Variants in PPFIBP2 observed in about 807,000 individuals in gnomAD.
PPFIBP2 encodes PPFIB scaffold protein 2, also known as liprin-beta-2.
Under a neutral mutation model 118.3 loss-of-function variants are expected in PPFIBP2, and 118 were observed. The ratio of observed to expected loss-of-function variants is 1.00; its 90% CI spans 0.86 to 1.16. The LOEUF (loss-of-function observed/expected upper bound fraction) is 1.16. Ranked by LOEUF, PPFIBP2 falls within the 50% of genes most tolerant of loss-of-function variation. PPFIBP2 has a pLI of 0.00. For synonymous variants in PPFIBP2, 414 were observed against 397.4 expected, an observed-to-expected ratio of 1.04 and a Z score of -0.50; for missense variants, 1,195 against 1,073.1, an observed-to-expected ratio of 1.11 and a Z score of -1.59.
chr11:7,646,683 T>C (rs997419456), intron 17 of PPFIBP2, among the ~76,000 whole-genome samples: 1 of 152,088 alleles, frequency 6.6e-6, no homozygotes, highest in African/African-American at 2.4e-5. Context: ...TGTAATTACA[T>C]CACTACACTC....
intron 5 of PPFIBP2, 44 bp from the exon 6 acceptor site, chr11:7,610,247 T>C (rs1185847025): frequency 1.9e-6 from 3 of 1,597,544 alleles, no homozygotes; most frequent in Non-Finnish European, 1.7e-6. Context: ...GCTGTTCTTA[T>C]TGCCATAGTG....
Position 7,648,853 on chromosome 11 carries a change from A to G in PPFIBP2, c.1851A>G (p.Lys617=), listed in dbSNP as rs12577629. Residue 617 remains lysine (K), a synonymous_variant, in exon 19 of 24, where the codon AAA becomes AAG. Coordinates refer to ENST00000299492, the MANE Select transcript of PPFIBP2 (RefSeq NM_003621.5). ...LHRKKLVLAV[K]AINTKQEEKS... is the part of the protein sequence containing the mutation. ...GGAAGAAGCTTGTTTTAGCAGTGAA[A>G]GCCATCAACACCAAACAGGAGGAGA... 1.2e-6 allele frequency: 2 copies of G among 1,614,188 alleles called. No individual in the cohort carries two copies. The highest frequency in any genetic ancestry group is 4.5e-5 in the East Asian group (2 of 44,890).
intron 1 of PPFIBP2, among the ~76,000 whole-genome samples, chr11:7,532,042 A>G (rs1850742582): frequency 6.6e-6 from 1 of 152,100 alleles, no homozygotes; most frequent in Non-Finnish European, 1.5e-5. Context: ...GGGTTTCACC[A>G]TGTTGTCCAG....
chr11:7,587,663 G>A, intron 3 of PPFIBP2, among the ~76,000 whole-genome samples: 1 of 152,176 alleles, frequency 6.6e-6, no homozygotes, highest in Non-Finnish European at 1.5e-5. Flanking sequence ...GTCTCTTGCT[G>A]CAAACCAGCT....
At chr11:7,517,879 T>G (rs1007473465) in intron 1 of PPFIBP2, among the ~76,000 whole-genome samples, 4 of 152,058 alleles carry the variant, frequency 2.6e-5, no homozygotes, top group Non-Finnish European at 5.9e-5. Flanking sequence ...CAGGAAGGGA[T>G]GGGGGGCGGT....
intron 17 of PPFIBP2, among the ~76,000 whole-genome samples, chr11:7,643,210 A>G (rs1418047988): frequency 2.0e-5 from 3 of 152,324 alleles, no homozygotes; most frequent in South Asian, 2.1e-4. Context: ...AATTTTCTCA[A>G]TGTAGACATT....
chr11:7,639,884 C>T lies in PPFIBP2; in HGVS notation c.1375+14C>T, dbSNP rs1402374192. ...TGCTGAGGCTGAGTGAGTGTCCAGC[C>T]CTGGTGCTGGTGGCCTCTGAGCAGT... On this transcript the variant is annotated intron_variant, in intron 15 of 23. Coordinates refer to ENST00000299492, the MANE Select transcript of PPFIBP2 (RefSeq NM_003621.5). 2.5e-6 allele frequency: 4 copies of T among 1,611,294 alleles called. No individual in the cohort carries two copies. Among genetic ancestry groups the T allele is most frequent in the South Asian group, 1.1e-5 (1 of 90,698 alleles).
intron 2 of PPFIBP2, 78 bp from the exon 3 acceptor site, chr11:7,565,475 A>C (rs1854857744): frequency 3.4e-6 from 5 of 1,457,700 alleles, no homozygotes; most frequent in Middle Eastern, 2.1e-4. Context: ...CCGTTTCTTC[A>C]CCACCTTTGC....
intron 1 of PPFIBP2, among the ~76,000 whole-genome samples, chr11:7,520,945 C>T: frequency 6.6e-6 from 1 of 152,170 alleles, no homozygotes; most frequent in Non-Finnish European, 1.5e-5. Context: ...TCTTCACAAG[C>T]TTCATTCTTA....
At position 7,649,132 on chromosome 11, in the gene PPFIBP2, T is replaced by G; in HGVS notation, c.1910-15T>G. On this transcript the variant is annotated splice_polypyrimidine_tract_variant and intron_variant, in intron 19 of 23. Coordinates refer to ENST00000299492, the MANE Select transcript of PPFIBP2 (RefSeq NM_003621.5). The stretch of plus-strand genomic sequence containing the variant: ...CTCATGAATCCTGACACATCTGGGG[T>G]TTTTGTATTTGTAGGGTGGCTTGAT... 6.2e-7 allele frequency: 1 copy of G among 1,609,120 alleles called. No homozygotes were observed. The highest frequency in any genetic ancestry group is 8.5e-7 in the Non-Finnish European group (1 of 1,176,684).
At chr11:7,643,655 C>T (rs1343307989) in intron 17 of PPFIBP2, among the ~76,000 whole-genome samples, 2 of 152,206 alleles carry the variant, frequency 1.3e-5, no homozygotes, top group South Asian at 2.1e-4. Context: ...TGACTCTTAA[C>T]TAGAAATTGA....
chr11:7,655,444 G>A (rs1468379062), downstream of PPFIBP2: 17 of 1,289,630 alleles, frequency 1.3e-5, no homozygotes, highest in Middle Eastern at 2.1e-4. Flanking sequence ...TGGCACCTTC[G>A]GAAGGTACCG....
intron 3 of PPFIBP2, among the ~76,000 whole-genome samples, chr11:7,572,501 C>A (rs1312115642): frequency 6.6e-6 from 1 of 152,218 alleles, no homozygotes; most frequent in Non-Finnish European, 1.5e-5. Context: ...AATGTGCAAA[C>A]ACTGGTGAAA....
chr11:7,562,375 C>T (rs565287148), intron 2 of PPFIBP2, among the ~76,000 whole-genome samples: 1 of 152,326 alleles, frequency 6.6e-6, no homozygotes, highest in South Asian at 2.1e-4. Context: ...GATTGAGTGT[C>T]CTTATAACAT....
chr11:7,615,169 C>G (rs1328097579), intron 6 of PPFIBP2, among the ~76,000 whole-genome samples: 1 of 152,042 alleles, frequency 6.6e-6, no homozygotes, highest in Non-Finnish European at 1.5e-5. Context: ...AACCCCATCT[C>G]TACTAAAACA....
chr11:7,639,415 A>C (rs1315905487), intron 14 of PPFIBP2, among the ~76,000 whole-genome samples: 3 of 152,228 alleles, frequency 2.0e-5, no homozygotes, highest in Admixed American at 2.0e-4. Flanking sequence ...TAATTCATTG[A>C]GTCTCTGAGC....
chr11:7,575,298 C>G (rs1015737601), intron 3 of PPFIBP2, among the ~76,000 whole-genome samples: 2 of 152,108 alleles, frequency 1.3e-5, no homozygotes, highest in South Asian at 4.1e-4. Flanking sequence ...TAGGAGTGGT[C>G]CAGTGTGACA....
chr11:7,636,547 G>A (rs1851476343), intron 14 of PPFIBP2, among the ~76,000 whole-genome samples: 1 of 152,124 alleles, frequency 6.6e-6, no homozygotes, highest in Admixed American at 6.5e-5. Flanking sequence ...TTCCTATGGC[G>A]TCAGCTGTTA....
chr11:7,649,141 T>G lies in PPFIBP2; in HGVS notation c.1910-6T>G. ...CCTGACACATCTGGGGTTTTTGTAT[T>G]TGTAGGGTGGCTTGATGATATTGGC... On this transcript the variant is annotated splice_region_variant and splice_polypyrimidine_tract_variant and intron_variant, in intron 19 of 23. Transcript: ENST00000299492. The G allele has an allele frequency of 3.7e-6, 6 of 1,612,918 alleles. No individual in the cohort carries two copies. Among genetic ancestry groups the G allele is most frequent in the Non-Finnish European group, 5.1e-6 (6 of 1,179,316 alleles).
Sources: gnomAD v4.1 joint callset for allele counts (sites outside exome capture counted in the v4.1 genomes callset) on GRCh38, gnomAD v4.1.1 for gene constraint, MANE v1.5 for transcripts, NCBI Gene and HGNC (gene_info 2026-07-23, HGNC 2026-07-21) for gene names.